MTR: variants seen among roughly 807,000 people sequenced by gnomAD.
MTR encodes 5-methyltetrahydrofolate-homocysteine methyltransferase.
A neutral mutation model predicts 154.8 loss-of-function variants in MTR; 84 were observed. The observed-to-expected ratio is 0.54, with a 90% CI of 0.45 to 0.65. MTR has a LOEUF of 0.65. MTR is among the 30% of genes least tolerant of loss of function. The pLI is 0.00. For missense variants in MTR, 1,275 were observed against 1,570.2 expected, an observed-to-expected ratio of 0.81 and a Z score of 3.18; for synonymous variants, 554 against 553.9, an observed-to-expected ratio of 1.00 and a Z score of 0.00.
chr1:236,836,537 G>C (rs61831817), intron 14 of MTR, among the ~76,000 whole-genome samples: 2 of 152,206 alleles, frequency 1.3e-5, no homozygotes. Context: ...TGCCTGGCAG[G>C]AAGTGATTTT....
At chr1:236,889,410 G>C in intron 28 of MTR, 74 bp downstream of exon 28, 1 of 1,588,330 alleles carries the variant, frequency 6.3e-7, no homozygotes, top group South Asian at 1.1e-5. Context: ...GACCGGAATC[G>C]GTGAGGAGCA....
At chr1:236,872,535 A>T (rs1012059799) in intron 22 of MTR, among the ~76,000 whole-genome samples, 2 of 152,152 alleles carry the variant, frequency 1.3e-5, no homozygotes, top group African/African-American at 4.8e-5. Context: ...GCCTAAATAG[A>T]TAAGATAATG....
At chr1:236,799,513 C>A (rs1387133597) in intron 1 of MTR, among the ~76,000 whole-genome samples, 1 of 152,082 alleles carries the variant, frequency 6.6e-6, no homozygotes, top group East Asian at 1.9e-4. Context: ...TCCTTTTTAT[C>A]TGTATTTTCT....
intron 25 of MTR, among the ~76,000 whole-genome samples, chr1:236,882,688 C>T (rs529999396): frequency 2.4e-4 from 36 of 152,296 alleles, no homozygotes; most frequent in Admixed American, 7.8e-4. Context: ...CCACTGTGCC[C>T]GGCCTCCTTC....
intron 18 of MTR, among the ~76,000 whole-genome samples, chr1:236,855,616 G>C (rs1290430564): frequency 6.6e-6 from 1 of 152,142 alleles, no homozygotes; most frequent in Non-Finnish European, 1.5e-5. Context: ...ATTCTTCCTT[G>C]GCTTTCTCTG....
At chr1:236,816,699 A>G (rs1448996835) in intron 8 of MTR, among the ~76,000 whole-genome samples, 156 bp downstream of exon 8, 1 of 152,114 alleles carries the variant, frequency 6.6e-6, no homozygotes, top group African/African-American at 2.4e-5. Context: ...ACTTTTCCCT[A>G]AAGGTTTCAG....
rs200061690 is a variant in MTR, at chr1:236,810,504, A to C, written c.411A>C (p.Gly137=). The part of the protein sequence containing the change: ...KAAEEVTLQT[G]IKRFVAGALG... Reference sequence around the variant, plus strand: ...ACACTTGTTTTTCTTTTCCCAAAGGAATTAAGAGGTTTGTGGCAGGGGCTC... The same window carrying C: ...ACACTTGTTTTTCTTTTCCCAAAGGCATTAAGAGGTTTGTGGCAGGGGCTC... Residue 137 remains glycine, a splice_region_variant and synonymous_variant, in exon 5 of 33, where the codon GGA becomes GGC. Coordinates refer to ENST00000366577, the MANE Select transcript of MTR (RefSeq NM_000254.3). 2 of 1,613,332 alleles carry C rather than the reference A, an allele frequency of 1.2e-6. No homozygotes were observed. Among genetic ancestry groups the C allele is most frequent in the Non-Finnish European group, 1.7e-6 (2 of 1,179,460 alleles).
chr1:236,805,811 ATG>A (rs1438313594), intron 2 of MTR, among the ~76,000 whole-genome samples: 5 of 152,024 alleles, frequency 3.3e-5, no homozygotes, highest in African/African-American at 1.2e-4. Flanking sequence ...GTGTTACCTT[ATG>A]TTAGCATATA....
At chr1:236,881,873 G>T (rs1225021959) in intron 25 of MTR, among the ~76,000 whole-genome samples, 5 of 151,932 alleles carry the variant, frequency 3.3e-5, no homozygotes, top group Non-Finnish European at 5.9e-5. Flanking sequence ...GTATTTTTTG[G>T]TCCCCATTTT....
At chr1:236,844,054 T>C (rs565464783) in intron 15 of MTR, among the ~76,000 whole-genome samples, 1 of 152,246 alleles carries the variant, frequency 6.6e-6, no homozygotes, top group East Asian at 1.9e-4. Flanking sequence ...AAGTGAGTCT[T>C]AGAGCCACAG....
chr1:236,798,641 C>T (rs928179130), intron 1 of MTR, among the ~76,000 whole-genome samples: 2 of 152,158 alleles, frequency 1.3e-5, no homozygotes, highest in South Asian at 4.1e-4. Context: ...AAAAATATTT[C>T]TGAAATAGTG....
At chr1:236,834,488 C>T (rs1169083708) in intron 13 of MTR, among the ~76,000 whole-genome samples, 4 of 152,158 alleles carry the variant, frequency 2.6e-5, no homozygotes, top group African/African-American at 9.6e-5. Flanking sequence ...TCCAGATTTA[C>T]TGAATTTAAG....
At chr1:236,886,200 A>G in intron 26 of MTR, 92 bp from the exon 27 acceptor site, 1 of 1,029,020 alleles carries the variant, frequency 9.7e-7, no homozygotes, top group South Asian at 1.3e-5. Flanking sequence ...GCTTTCTTGC[A>G]AAGCTTACAT....
intron 8 of MTR, chr1:236,820,387 T>C: frequency 2.4e-6 from 2 of 829,906 alleles, no homozygotes; most frequent in South Asian, 2.6e-5. Context: ...GTCTGAGGCA[T>C]GCAGGTGCCC....
intron 1 of MTR, chr1:236,800,614 C>A: frequency 4.6e-6 from 2 of 434,294 alleles, no homozygotes; most frequent in Non-Finnish European, 6.1e-6. Flanking sequence ...ATTCCTGCCC[C>A]AACATGACCA....
intron 8 of MTR, among the ~76,000 whole-genome samples, chr1:236,819,478 G>A (rs1661796107): frequency 6.6e-6 from 1 of 152,154 alleles, no homozygotes; most frequent in Non-Finnish European, 1.5e-5. Context: ...AAGATGTACG[G>A]TGGGTTTTTT....
intron 6 of MTR, 52 bp from the exon 7 acceptor site, chr1:236,815,552 A>G: frequency 6.3e-7 from 1 of 1,580,858 alleles, no homozygotes; most frequent in Admixed American, 1.7e-5. Flanking sequence ...AGTTAGACTA[A>G]TCTTGGACAC....
intron 31 of MTR, among the ~76,000 whole-genome samples, chr1:236,896,125 CA>C (rs1204778808): frequency 6.6e-6 from 1 of 152,234 alleles, no homozygotes; most frequent in Non-Finnish European, 1.5e-5. Context: ...CTTTCTGAGA[CA>C]AAGGCCCAGA....
intron 28 of MTR, among the ~76,000 whole-genome samples, chr1:236,890,491 G>C (rs1405315876): frequency 2.6e-5 from 4 of 152,104 alleles, no homozygotes; most frequent in Non-Finnish European, 4.4e-5. Flanking sequence ...AGCGACCTCT[G>C]GGGGACGGGG....
Sources: gnomAD v4.1 joint callset for allele counts (sites outside exome capture counted in the v4.1 genomes callset) on GRCh38, gnomAD v4.1.1 for gene constraint, MANE v1.5 for transcripts, NCBI Gene and HGNC (gene_info 2026-07-23, HGNC 2026-07-21) for gene names.